SMARCE1: variants seen among roughly 807,000 people sequenced by gnomAD.
The protein encoded by SMARCE1 is SWI/SNF related BAF chromatin remodeling complex subunit E1, also known as SWI/SNF-related matrix-associated actin-dependent regulator of chromatin subfamily E member 1.
SMARCE1 carries 13 observed loss-of-function variants against 54.9 expected under a neutral mutation model. The ratio of observed to expected loss-of-function variants is 0.24; its 90% CI spans 0.15 to 0.38. SMARCE1 has a LOEUF of 0.38. SMARCE1 is among the 10% of genes least tolerant of loss of function. The probability of loss-of-function intolerance (pLI) is 1.00; values close to 1 mark genes in which losing one functional copy is unlikely to be tolerated. For synonymous variants in SMARCE1, 151 were observed against 175.3 expected (o/e 0.86, Z 1.10); for missense variants, 295 against 523.8 (o/e 0.56, Z 4.26).
intron 3 of SMARCE1, chr17:40,644,452 T>A (rs1271542347): frequency 6.6e-6 from 1 of 152,120 alleles, no homozygotes; most frequent in Non-Finnish European, 1.5e-5. Context: ...GCTCCACCTG[T>A]ATAGCCACTA....
intron 2 of SMARCE1, 31 bp downstream of exon 2, chr17:40,645,765 T>C (rs771976826): frequency 8.1e-6 from 9 of 1,113,664 alleles, no homozygotes; most frequent in African/African-American, 4.9e-5. Context: ...CTTATTAACA[T>C]AGATTGATAA....
At position 40,630,876 on chromosome 17, in the gene SMARCE1, T is replaced by C; in HGVS notation, c.865A>G (p.Ile289Val). The C allele has an allele frequency of 6.2e-7, 1 of 1,613,912 alleles. No homozygotes were observed. ...CGGGCCTGTTCCTCTGCCTGTGCAA[T>C]CTCAGCTGCAATTTTCTCCATATCC... ...EVDMEKIAAE[I>V]AQAEEQARKR... The change falls in exon 10 of 11, where the codon ATT becomes GTT. Residue 289 changes from isoleucine to valine, a missense_variant. Coordinates refer to ENST00000348513, the MANE Select transcript of SMARCE1 (RefSeq NM_003079.5).
chr17:40,638,814 C>T (rs896244186), intron 4 of SMARCE1, among the ~76,000 whole-genome samples: 8 of 152,166 alleles, frequency 5.3e-5, no homozygotes, highest in Admixed American at 3.3e-4. Context: ...ACATTTTGTT[C>T]GCTTCCCCTT....
At chr17:40,636,314 C>T in intron 6 of SMARCE1, 81 bp downstream of exon 6, 1 of 1,463,172 alleles carries the variant, frequency 6.8e-7, no homozygotes, top group South Asian at 1.2e-5. Flanking sequence ...CTGACCAAAT[C>T]TTATGTTACT....
At chr17:40,644,039 T>C (rs2037225254) in intron 3 of SMARCE1, 1 of 152,740 alleles carries the variant, frequency 6.5e-6, no homozygotes, top group African/African-American at 2.4e-5. Flanking sequence ...AGAAGAATAA[T>C]TCATTTAGTA....
rs943882320 is a variant in SMARCE1, at chr17:40,627,104, T to C, written c.*1681A>G. The C allele has an allele frequency of 6.6e-6, 1 of 152,200 alleles. No individual in the cohort carries two copies. Among genetic ancestry groups the C allele is most frequent in the Non-Finnish European group, 1.5e-5 (1 of 68,044 alleles). The allele number at this position is 152,200 out of a possible 1,614,324, so 9.4% of individuals were successfully genotyped here. On this transcript the variant is annotated 3_prime_UTR_variant, in exon 11 of 11. Transcript: ENST00000348513. ...ACTAGAAAATGTATCAAAGAGGCTG[T>C]CCAATTTGTCTGAGATGAGATGGCT...
At position 40,632,450 on chromosome 17, in the gene SMARCE1, C is replaced by T. The variant is rs114978886; in HGVS notation, c.542-83G>A. 1,303 of 1,205,968 alleles carry T rather than the reference C, an allele frequency of 1.1e-3. 10 individuals are homozygous for T. In the African/African-American group the frequency reaches 0.013, roughly 12 times the overall value. 74.7% of individuals were successfully genotyped at this position (1,205,968 alleles called of 1,614,324 possible). On this transcript the variant is annotated intron_variant, in intron 7 of 10. Transcript: ENST00000348513. ...AACAATGTTAACACTTAATTACCAA[C>T]GAACTATGGCCCTCACTGGCCTAAC...
intron 4 of SMARCE1, chr17:40,641,046 C>T (rs1471044305): frequency 1.3e-5 from 2 of 152,142 alleles, no homozygotes; most frequent in African/African-American, 4.8e-5. Context: ...ATTTCTATTC[C>T]ATTAACATAG....
At chr17:40,638,354 AAGAC>A (rs1362704485) in intron 4 of SMARCE1, among the ~76,000 whole-genome samples, 1 of 152,198 alleles carries the variant, frequency 6.6e-6, no homozygotes, top group Non-Finnish European at 1.5e-5. Context: ...TTTTATGGGA[AAGAC>A]AGAGGAAAAG....
rs1005070834 is a variant in SMARCE1 at position 40,627,449 on chromosome 17, A to T, written c.*1336T>A. The T allele has an allele frequency of 2.6e-5, 4 of 152,252 alleles. No individual in the cohort carries two copies. Among genetic ancestry groups the T allele is most frequent in the African/African-American group, 9.6e-5 (4 of 41,462 alleles). 9.4% of individuals were successfully genotyped at this position (152,252 alleles called of 1,614,324 possible). A position where few individuals can be genotyped will look rare whatever the true frequency, so the allele number is the denominator to read the frequency against. On this transcript the variant is annotated 3_prime_UTR_variant, in exon 11 of 11. Transcript: ENST00000348513. ...TTCTCCATATTCCTGTTAATGTAGA[A>T]ACATATTCCCTTTACTTTTGGAATC...
At chr17:40,635,087 T>C (rs916133584) in intron 7 of SMARCE1, 1 of 151,878 alleles carries the variant, frequency 6.6e-6, no homozygotes, top group African/African-American at 2.4e-5. Flanking sequence ...CTATTATTGC[T>C]TCCTCCCTCA....
chr17:40,642,545 T>C lies in SMARCE1; in HGVS notation c.66A>G (p.Thr22=), dbSNP rs1597749794. 18 of 1,604,862 alleles carry C rather than the reference T, an allele frequency of 1.1e-5. No individual in the cohort carries two copies. Among genetic ancestry groups the C allele is most frequent in the Non-Finnish European group, 1.5e-5 (18 of 1,174,428 alleles). ...TPAPATQMPS[T]PGFVGYNPYS... ...ATGGATTGTATCCCACAAACCCTGG[T>C]GTGCTGGGCATTTGCTGATGGAAAC... The change falls in exon 4 of 11, where the codon ACA becomes ACG. Residue 22 remains threonine (T), a synonymous_variant. Transcript: ENST00000348513. This position sits in a 1 kb window ranked among gnomAD's most constrained non-coding sequence, Gnocchi z 4.6.
chr17:40,646,928 A>G (rs1399400171), intron 1 of SMARCE1, among the ~76,000 whole-genome samples: 1 of 152,230 alleles, frequency 6.6e-6, no homozygotes. Context: ...CTTAAAGAAC[A>G]GCCAGAAACC....
chr17:40,642,332 A>G lies in SMARCE1; in HGVS notation c.156+123T>C. ...CTACAACGAATGTTGAAAATACTCA[A>G]AAAGCTAGGTTAAAAAATTTTTTTT... On this transcript the variant is annotated intron_variant, in intron 4 of 10. Transcript: ENST00000348513. This position sits in a 1 kb window ranked among gnomAD's most constrained non-coding sequence, Gnocchi z 4.6. 1.4e-6 allele frequency: 1 copy of G among 730,306 alleles called. No individual in the cohort carries two copies. The highest frequency in any genetic ancestry group is 1.7e-5 in the African/African-American group (1 of 57,630). 45.2% of individuals were successfully genotyped at this position (730,306 alleles called of 1,614,324 possible). A position where few individuals can be genotyped will look rare whatever the true frequency, so the allele number is the denominator to read the frequency against.
At chr17:40,636,812 G>A in intron 5 of SMARCE1, 1 of 234,364 alleles carries the variant, frequency 4.3e-6, no homozygotes, top group Non-Finnish European at 8.3e-6. Context: ...CACTTAGGAT[G>A]AGTTACTTCA....
In SMARCE1 at chr17:40,627,213, G is replaced by A. The variant is rs1049108939; in HGVS notation, c.*1572C>T. ...TTCTTTGACACACAAGGAAACAGATGTCAAGAGTTGTTTCCACCCAGTATC... is the reference window on the plus strand; with the variant it reads ...TTCTTTGACACACAAGGAAACAGATATCAAGAGTTGTTTCCACCCAGTATC... On this transcript the variant is annotated 3_prime_UTR_variant, in exon 11 of 11. Coordinates refer to ENST00000348513, the MANE Select transcript of SMARCE1 (RefSeq NM_003079.5). The A allele has an allele frequency of 4.6e-5, 7 of 152,184 alleles. No homozygotes were observed. The highest frequency in any genetic ancestry group is 1.0e-4 in the Non-Finnish European group (7 of 68,038). 9.4% of individuals were successfully genotyped at this position (152,184 alleles called of 1,614,324 possible).
rs1426161666 is a variant in SMARCE1, at chr17:40,628,470, T to C, written c.*315A>G. The C allele has an allele frequency of 3.5e-6, 1 of 287,302 alleles. No individual in the cohort carries two copies. The highest frequency in any genetic ancestry group is 6.7e-6 in the Non-Finnish European group (1 of 150,138). The allele number at this position is 287,302 out of a possible 1,614,324, so 17.8% of individuals were successfully genotyped here. A position where few individuals can be genotyped will look rare whatever the true frequency, so the allele number is the denominator to read the frequency against. Reference sequence around the variant, plus strand: ...CACCCCAGTGAGCTGTAGGAAGGCATTGTAAGAGTAGATTCTGCAGCATCA... The same window carrying C: ...CACCCCAGTGAGCTGTAGGAAGGCACTGTAAGAGTAGATTCTGCAGCATCA... On this transcript the variant is annotated 3_prime_UTR_variant, in exon 11 of 11. Coordinates refer to ENST00000348513, the MANE Select transcript of SMARCE1 (RefSeq NM_003079.5).
intron 10 of SMARCE1, chr17:40,630,116 G>A (rs2037076159): frequency 1.4e-6 from 1 of 705,350 alleles, no homozygotes; most frequent in African/African-American, 1.8e-5. Flanking sequence ...AGTGCCATGA[G>A]GTAAGGTGAT....
chr17:40,646,114 T>C (rs1437392769), intron 1 of SMARCE1, among the ~76,000 whole-genome samples: 2 of 152,206 alleles, frequency 1.3e-5, no homozygotes, highest in African/African-American at 4.8e-5. Flanking sequence ...ACCTCTTGTA[T>C]GGAAAACATT....
Sources: gnomAD v4.1 joint callset for allele counts (sites outside exome capture counted in the v4.1 genomes callset) on GRCh38, gnomAD v4.1.1 for gene constraint, Gnocchi (gnomAD v3.1) non-coding constraint, MANE v1.5 for transcripts, NCBI Gene and HGNC (gene_info 2026-07-23, HGNC 2026-07-21) for gene names.